Variants in MUC6 observed in about 807,000 individuals in gnomAD.
MUC6 encodes mucin-6.
MUC6 carries 188 observed loss-of-function variants against 201.5 expected under a neutral mutation model. That is an observed-to-expected ratio of 0.93 (90% confidence interval 0.83 to 1.05). The LOEUF is 1.05. MUC6 is among the 50% of genes least tolerant of loss of function. The probability of loss-of-function intolerance (pLI) is 0.00; values close to 1 mark genes in which losing one functional copy is unlikely to be tolerated. For missense variants in MUC6, 2,706 were observed against 3,256.9 expected, an observed-to-expected ratio of 0.83 and a Z score of 4.12; for synonymous variants, 1,228 against 1,389.4, an observed-to-expected ratio of 0.88 and a Z score of 2.58.
At position 1,028,189 on chromosome 11, in the gene MUC6, G is replaced by A. The variant is rs774155489; in HGVS notation, c.1753+37C>T. On this transcript the variant is annotated intron_variant, in intron 14 of 32. Coordinates refer to ENST00000421673, the MANE Select transcript of MUC6 (RefSeq NM_005961.3). ...GGGTCTGTCAGAACTGTGGGCGCTG[G>A]GGGGGCAGCCAGGGGAGTGGGGGGC... 1.9e-6 allele frequency: 3 copies of A among 1,545,658 alleles called. No individual in the cohort carries two copies. The South Asian group carries it at 3.6e-5, about 19-fold the overall frequency.
chr11:1,024,736 C>G (rs775210315), intron 24 of MUC6, 108 bp downstream of exon 24: 9 of 1,472,946 alleles, frequency 6.1e-6, no homozygotes, highest in Non-Finnish European at 8.1e-6. Flanking sequence ...CCTGGCTGGT[C>G]TGGGATCCCA....
At chr11:1,030,169 C>T in intron 8 of MUC6, 44 bp downstream of exon 8, 1 of 1,532,320 alleles carries the variant, frequency 6.5e-7, no homozygotes, top group South Asian at 1.2e-5. Flanking sequence ...TCTGGGTTCT[C>T]TCTAGGGGTC....
intron 32 of MUC6, 53 bp from the exon 33 acceptor site, chr11:1,013,686 C>G (rs1856531840): frequency 2.6e-6 from 4 of 1,518,580 alleles, no homozygotes. Flanking sequence ...GGGCATAAGG[C>G]CCCTCCCTCC....
Position 1,026,962 on chromosome 11 carries a change from C to A in MUC6, c.2373G>T (p.Met791Ile). 3.1e-6 allele frequency: 5 copies of A among 1,594,358 alleles called. No homozygotes were observed. The highest frequency in any genetic ancestry group is 1.3e-5 in the African/African-American group (1 of 74,632). The part of the protein sequence containing the change: ...FGAACAPTCQ[M>I]LATGVACVPT... ...TTACGCAGGCAACACCGGTGGCCAG[C>A]ATCTGGCATGTGGGGGCACAGGCTG... Residue 791 changes from methionine (M) to isoleucine (I), a missense_variant, in exon 19 of 33, where the codon ATG (methionine) becomes ATT (isoleucine). Physicochemically the swap from Met to Ile is conservative, Grantham distance 10. Around this residue, in one of 10 missense-constraint regions of MUC6, gnomAD observed 1,850 missense variants for 1,958.3 expected, o/e 0.94. Transcript: ENST00000421673.
intron 13 of MUC6, 64 bp downstream of exon 13, chr11:1,028,582 C>G (rs1278500550): frequency 6.3e-7 from 1 of 1,575,264 alleles, no homozygotes; most frequent in Admixed American, 1.9e-5. Flanking sequence ...TTTCTCCTCC[C>G]CTGGTCATGG....
At position 1,016,079 on chromosome 11, in the gene MUC6, A is replaced by G; in HGVS notation, c.6722T>C (p.Leu2241Pro). Residue 2241 changes from leucine (L) to proline (P), a missense_variant, in exon 31 of 33, where the codon CTA becomes CCA. Leu to Pro is a moderately conservative substitution (Grantham distance 98). This residue lies in a region of MUC6 where 586 missense variants were observed against 488.0 expected (regional missense o/e 1.20). Coordinates refer to ENST00000421673, the MANE Select transcript of MUC6 (RefSeq NM_005961.3). Reference protein sequence around the residue: ...VTVSPTPSSHLASSTIAFPST... With the variant: ...VTVSPTPSSHPASSTIAFPST... ...CGGAAATGCAATGGTGCTGGAGGCTAGGTGGCTGGATGGGGTGGGAGACAC... is the reference window on the plus strand; with the variant it reads ...CGGAAATGCAATGGTGCTGGAGGCTGGGTGGCTGGATGGGGTGGGAGACAC... 6.2e-7 allele frequency: 1 copy of G among 1,612,912 alleles called. No homozygotes were observed. Among genetic ancestry groups the G allele is most frequent in the South Asian group, 1.1e-5 (1 of 91,014 alleles).
chr11:1,030,357 G>T (rs1227890469), intron 7 of MUC6, 22 bp from the exon 8 acceptor site: 3 of 1,544,304 alleles, frequency 1.9e-6, no homozygotes, highest in Non-Finnish European at 2.6e-6. Context: ...CGCGGCTCCG[G>T]TGAGAGGGTC....
In MUC6 at chr11:1,019,446, G is replaced by T; in HGVS notation, c.3859C>A (p.Pro1287Thr). ...GTCGATCTCAGTGTGGCTGTGGGAG[G>T]CAGCCCTGATGTGGCTTGTGGGGTG... Reference protein sequence around the residue: ...AVTPQATSGLPPTATLRSTAT... With the variant: ...AVTPQATSGLTPTATLRSTAT... Residue 1287 changes from proline to threonine, a missense_variant, in exon 30 of 33, where the codon CCT (proline) becomes ACT (threonine). Pro to Thr is a conservative substitution (Grantham distance 38). Transcript: ENST00000421673. 1 of 1,613,834 alleles carries T rather than the reference G, an allele frequency of 6.2e-7. No individual in the cohort carries two copies. Among genetic ancestry groups the T allele is most frequent in the Non-Finnish European group, 8.5e-7 (1 of 1,179,846 alleles).
chr11:1,014,720 C>T (rs1201397229), intron 31 of MUC6, among the ~76,000 whole-genome samples: 2 of 152,230 alleles, frequency 1.3e-5, no homozygotes, highest in African/African-American at 2.4e-5. Context: ...CCCCTGGCTG[C>T]TCCCAGCTTC....
chr11:1,034,844 C>T (rs867947780), intron 1 of MUC6, among the ~76,000 whole-genome samples: 60 of 152,304 alleles, frequency 3.9e-4, no homozygotes, highest in Middle Eastern at 6.8e-3. Context: ...GCGCCCCCCG[C>T]CGCCCTCGCC....
intron 13 of MUC6, 42 bp downstream of exon 13, chr11:1,028,604 A>C (rs745340284): frequency 2.1e-5 from 34 of 1,594,284 alleles, no homozygotes; most frequent in Non-Finnish European, 2.9e-5. Context: ...CAGACCCTGT[A>C]GGGATGAGGC....
rs78265558 is a variant in MUC6, at chr11:1,018,483, C to T, written c.4318G>A (p.Glu1440Lys). The T allele has an allele frequency of 3.2e-6, 5 of 1,577,150 alleles. No individual in the cohort carries two copies. The highest frequency in any genetic ancestry group is 1.1e-5 in the South Asian group (1 of 89,898). Residue 1440 changes from glutamate to lysine, a missense_variant, in exon 31 of 33, where the codon GAG becomes AAG. Coordinates refer to ENST00000421673, the MANE Select transcript of MUC6 (RefSeq NM_005961.3). ...TTTYPTPSHP[E>K]TTLPTHVPPF... ...GGAACGTGAGTGGGAAGTGTGGTCT[C>T]AGGGTGTGATGGGGTTGGATAGGTA...
At chr11:1,014,710 C>T (rs747927587) in intron 31 of MUC6, among the ~76,000 whole-genome samples, 1 of 152,218 alleles carries the variant, frequency 6.6e-6, no homozygotes, top group Non-Finnish European at 1.5e-5. Flanking sequence ...CGTGTGCCCT[C>T]CCCTGGCTGC....
Position 1,018,300 on chromosome 11 carries a change from G to C in MUC6, c.4501C>G (p.Pro1501Ala), listed in dbSNP as rs113744996. Reference protein sequence around the residue: ...KATGSTHTAPPITPTTSGTSQ... With the variant: ...KATGSTHTAPAITPTTSGTSQ... ...GTCCCACTGGTGGTCGGCGTTATTG[G>C]TGGGGCTGTGTGGGTGGACCCTGTG... Residue 1501 changes from proline to alanine, a missense_variant, in exon 31 of 33, where the codon CCA (proline) becomes GCA (alanine). Pro to Ala is a conservative substitution (Grantham distance 27). Coordinates refer to ENST00000421673, the MANE Select transcript of MUC6 (RefSeq NM_005961.3). The C allele has an allele frequency of 1.2e-5, 19 of 1,613,916 alleles. No individual in the cohort carries two copies. In the Admixed American group the frequency reaches 1.3e-4, roughly 11 times the overall value.
In MUC6 at chr11:1,036,680, G is replaced by GC; in HGVS notation, c.-26dup. The GC allele has an allele frequency of 1.3e-6, 2 of 1,543,432 alleles. No homozygotes were observed. Among genetic ancestry groups the GC allele is most frequent in the Non-Finnish European group, 1.7e-6 (2 of 1,145,744 alleles). On this transcript the variant is annotated 5_prime_UTR_variant, in exon 1 of 33. Transcript: ENST00000421673. ...TGGTGCACAGTGGAGAGGAGCTCGC[G>GC]CTGGGCCCGGCAGGCCTGCTGCTGC... is the stretch of plus-strand genomic sequence containing the variant.
At position 1,018,578 on chromosome 11, in the gene MUC6, G is replaced by T. The variant is rs764209708; in HGVS notation, c.4223C>A (p.Ser1408Tyr). 4 of 1,613,384 alleles carry T rather than the reference G, an allele frequency of 2.5e-6. No homozygotes were observed. The highest frequency in any genetic ancestry group is 3.4e-6 in the Non-Finnish European group (4 of 1,179,666). The part of the protein sequence containing the change: ...TTPQTPHTTH[S>Y]PPTAGSPVPS... Reference sequence around the variant, plus strand: ...GACGGGACTCCCCGCCGTAGGCGGGGAGTGTGTGGTGTGTGGGGTTTGGGG... The same window carrying T: ...GACGGGACTCCCCGCCGTAGGCGGGTAGTGTGTGGTGTGTGGGGTTTGGGG... Residue 1408 changes from serine to tyrosine, a missense_variant, in exon 31 of 33, where the codon TCC becomes TAC. This residue lies in a region of MUC6 where 1,850 missense variants were observed against 1,958.3 expected (regional missense o/e 0.94). Transcript: ENST00000421673.
In MUC6 at chr11:1,013,107, C is replaced by T; in HGVS notation, c.*349G>A. 3 of 320,074 alleles carry T rather than the reference C, an allele frequency of 9.4e-6. No individual in the cohort carries two copies. Among genetic ancestry groups the T allele is most frequent in the Middle Eastern group, 1.7e-3 (2 of 1,190 alleles). 19.8% of individuals were successfully genotyped at this position (320,074 alleles called of 1,614,324 possible). A position where few individuals can be genotyped will look rare whatever the true frequency, so the allele number is the denominator to read the frequency against. ...TCGAGCGCCTGCTCTGTGGCTTCAT[C>T]TGCAGGGTTCTGGGCCCAGCAGGGC... is the stretch of plus-strand genomic sequence containing the variant. On this transcript the variant is annotated 3_prime_UTR_variant, in exon 33 of 33. Coordinates refer to ENST00000421673, the MANE Select transcript of MUC6 (RefSeq NM_005961.3).
chr11:1,015,827 G>A lies in MUC6; in HGVS notation c.6974C>T (p.Ala2325Val). ...TTRFLTSSLT[A>V]HGSTPASAPV... ...GGCAGAAGCAGGGGTGCTTCCATGG[G>A]CAGTGAGGGAGCTGGTCAGGAACCG... The change falls in exon 31 of 33, where the codon GCC becomes GTC. Residue 2325 changes from alanine (A) to valine (V), a missense_variant. Physicochemically the swap from Ala to Val is moderately conservative, Grantham distance 64. Transcript: ENST00000421673. The A allele has an allele frequency of 1.9e-6, 3 of 1,582,822 alleles. No individual in the cohort carries two copies. The highest frequency in any genetic ancestry group is 2.6e-6 in the Non-Finnish European group (3 of 1,162,432).
chr11:1,020,170 T>C lies in MUC6; in HGVS notation c.3728A>G (p.Asn1243Ser), dbSNP rs1263118827. Residue 1243 changes from asparagine to serine, a missense_variant, in exon 29 of 33, where the codon AAT becomes AGT. Physicochemically the swap from Asn to Ser is conservative, Grantham distance 46. This residue lies in a region of MUC6 where 1,850 missense variants were observed against 1,958.3 expected (regional missense o/e 0.94). Coordinates refer to ENST00000421673, the MANE Select transcript of MUC6 (RefSeq NM_005961.3). ...LSSTGPSPSS[N>S]HTPASPTQTP... ...CTGGGTGGGGCTGGCAGGGGTGTGATTAGAGCTGGGTGAGGGTCCGGTGGA... is the reference window on the plus strand; with the variant it reads ...CTGGGTGGGGCTGGCAGGGGTGTGACTAGAGCTGGGTGAGGGTCCGGTGGA... 1.2e-6 allele frequency: 2 copies of C among 1,612,506 alleles called. No homozygotes were observed. Among genetic ancestry groups the C allele is most frequent in the African/African-American group, 1.3e-5 (1 of 74,790 alleles).
Sources: gnomAD v4.1 joint callset for allele counts (sites outside exome capture counted in the v4.1 genomes callset) on GRCh38, gnomAD v4.1.1 for gene constraint, gnomAD v4.1.1 regional missense constraint, MANE v1.5 for transcripts, NCBI Gene and HGNC (gene_info 2026-07-23, HGNC 2026-07-21) for gene names.